EPHB1: variants seen among roughly 807,000 people sequenced by gnomAD.
EPHB1 encodes the protein EPH receptor B1.
Under a neutral mutation model 94.4 loss-of-function variants are expected in EPHB1, and 30 were observed. The observed-to-expected ratio is 0.32, with a 90% CI of 0.24 to 0.43. EPHB1 has a LOEUF of 0.43. EPHB1 is among the 20% of genes least tolerant of loss of function. The pLI is 1.00. For missense variants in EPHB1, 1,055 were observed against 1,308.3 expected, an observed-to-expected ratio of 0.81 and a Z score of 2.99; for synonymous variants, 522 against 489.1, an observed-to-expected ratio of 1.07 and a Z score of -0.89.
intron 6 of EPHB1, among the ~76,000 whole-genome samples, chr3:135,158,633 C>T (rs570952110): frequency 1.3e-5 from 2 of 152,290 alleles, no homozygotes; most frequent in South Asian, 4.1e-4. Context: ...TCCACCAGCT[C>T]ATTAATAGAG....
chr3:135,112,942 C>T (rs1939520929), intron 4 of EPHB1, among the ~76,000 whole-genome samples: 1 of 152,292 alleles, frequency 6.6e-6, no homozygotes, highest in Non-Finnish European at 1.5e-5. Flanking sequence ...CTTTACCCAT[C>T]GCTGACCAGG....
intron 10 of EPHB1, among the ~76,000 whole-genome samples, chr3:135,189,730 C>T (rs1484212905): frequency 6.6e-6 from 1 of 152,194 alleles, no homozygotes; most frequent in Non-Finnish European, 1.5e-5. Flanking sequence ...AACAGAAGTT[C>T]TCAACTGGAG....
chr3:134,958,763 T>C (rs1379659182), intron 3 of EPHB1, among the ~76,000 whole-genome samples: 1 of 151,962 alleles, frequency 6.6e-6, no homozygotes, highest in East Asian at 1.9e-4. Context: ...CTGTCTGTAA[T>C]TGACTGTGAC....
At chr3:135,006,609 T>C (rs1438975939) in intron 3 of EPHB1, among the ~76,000 whole-genome samples, 1 of 152,164 alleles carries the variant, frequency 6.6e-6, no homozygotes, top group Non-Finnish European at 1.5e-5. Context: ...AGAGGAAGAT[T>C]GCTTAACCCC....
chr3:135,170,239 A>C (rs1941767347), intron 9 of EPHB1, among the ~76,000 whole-genome samples: 1 of 152,326 alleles, frequency 6.6e-6, no homozygotes, highest in Admixed American at 6.5e-5. Context: ...GCAAAGGCTG[A>C]AGAAGAAATG....
At chr3:134,912,276 C>T (rs2038470732) in intron 1 of EPHB1, among the ~76,000 whole-genome samples, 1 of 152,228 alleles carries the variant, frequency 6.6e-6, no homozygotes, top group African/African-American at 2.4e-5. Flanking sequence ...TTGGCGCAAA[C>T]TCATTGGTCT....
intron 12 of EPHB1, among the ~76,000 whole-genome samples, chr3:135,222,082 A>G (rs1943288620): frequency 6.6e-6 from 1 of 152,226 alleles, no homozygotes. Context: ...ATTTAAGATC[A>G]AAATTTAAAC....
chr3:135,193,911 C>G (rs1942529051), intron 11 of EPHB1, among the ~76,000 whole-genome samples: 1 of 152,216 alleles, frequency 6.6e-6, no homozygotes, highest in Non-Finnish European at 1.5e-5. Flanking sequence ...AGGGACACCT[C>G]TGATCCATGT....
chr3:135,030,965 G>A lies in EPHB1; in HGVS notation c.806-75483G>A, dbSNP rs537670394. Among the ~76,000 whole-genome samples the A allele has an allele frequency of 1.7e-4, 26 of 152,260 alleles. No individual in the cohort carries two copies. The South Asian group carries it at 4.4e-3, about 26-fold the overall frequency. ...AGCCCGTCGGAAAAGCGCAGTATTC[G>A]GGTGGGTGTGACCCTATTCTCCAGG... On this transcript the variant is annotated intron_variant, in intron 3 of 15. Transcript: ENST00000398015.
At chr3:134,962,919 C>G (rs987795643) in intron 3 of EPHB1, among the ~76,000 whole-genome samples, 1 of 152,152 alleles carries the variant, frequency 6.6e-6, no homozygotes, top group African/African-American at 2.4e-5. Flanking sequence ...CATACACCTT[C>G]CACTCTGCTG....
At chr3:135,154,005 A>G (rs1941278877) in intron 5 of EPHB1, 147 bp from the exon 6 acceptor site, 5 of 1,074,602 alleles carry the variant, frequency 4.7e-6, no homozygotes, top group Non-Finnish European at 6.8e-6. Flanking sequence ...ACCCACAGGA[A>G]GTTCTGCAGG....
intron 1 of EPHB1, among the ~76,000 whole-genome samples, chr3:134,878,628 A>G (rs1429841275): frequency 6.6e-6 from 1 of 152,204 alleles, no homozygotes; most frequent in Non-Finnish European, 1.5e-5. Flanking sequence ...AACTGTGATT[A>G]TAGAGATAGA....
intron 3 of EPHB1, among the ~76,000 whole-genome samples, chr3:135,102,983 G>A (rs1453921698): frequency 2.0e-5 from 3 of 152,118 alleles, no homozygotes; most frequent in Admixed American, 6.6e-5. Flanking sequence ...TTGGGGGGTG[G>A]GGGCAAGGGG....
At chr3:134,858,257 C>G (rs2037168321) in intron 1 of EPHB1, among the ~76,000 whole-genome samples, 1 of 151,850 alleles carries the variant, frequency 6.6e-6, no homozygotes, top group South Asian at 2.1e-4. Flanking sequence ...TGCTTGTGGC[C>G]CCAGAAGCCT....
chr3:134,951,368 C>A lies in EPHB1; in HGVS notation c.124-3C>A. 1 of 1,556,244 alleles carries A rather than the reference C, an allele frequency of 6.4e-7. No homozygotes were observed. Among genetic ancestry groups the A allele is most frequent in the Non-Finnish European group, 8.7e-7 (1 of 1,149,698 alleles). Reference sequence around the variant, plus strand: ...GTGTGTGCCTGTGGCCTGCTATGTACAGTGGGAAGAAGTCAGTGGCTACGA... The same window carrying A: ...GTGTGTGCCTGTGGCCTGCTATGTAAAGTGGGAAGAAGTCAGTGGCTACGA... On this transcript the variant is annotated splice_polypyrimidine_tract_variant and splice_region_variant and intron_variant, in intron 2 of 15. Transcript: ENST00000398015. This position sits in a 1 kb window ranked among gnomAD's most constrained non-coding sequence, Gnocchi z 4.5.
rs542388511 is a variant in EPHB1, at chr3:134,899,067, A to T, written c.59-26749A>T. On this transcript the variant is annotated intron_variant, in intron 1 of 15. Coordinates refer to ENST00000398015, the MANE Select transcript of EPHB1 (RefSeq NM_004441.5). ...GATGAGGAAAACATCCCTACTTATC[A>T]CTTTCTATTTTCTTATTTTCCCAGT... is the stretch of plus-strand genomic sequence containing the variant. 9.2e-5 allele frequency among the ~76,000 whole-genome samples: 14 copies of T among 152,160 alleles called. No homozygotes were observed. The South Asian group carries it at 2.9e-3, about 32-fold the overall frequency.
chr3:134,978,976 T>C (rs1934303260), intron 3 of EPHB1, among the ~76,000 whole-genome samples: 1 of 152,236 alleles, frequency 6.6e-6, no homozygotes, highest in South Asian at 2.1e-4. Context: ...GATGTTGTCC[T>C]CATGGAGGGT....
At chr3:134,880,154 T>C (rs2037702789) in intron 1 of EPHB1, among the ~76,000 whole-genome samples, 1 of 152,212 alleles carries the variant, frequency 6.6e-6, no homozygotes, top group Non-Finnish European at 1.5e-5. Context: ...CAAGGGCAGC[T>C]GGTCAAACAT....
At chr3:134,807,455 G>A (rs2036085159) in intron 1 of EPHB1, among the ~76,000 whole-genome samples, 1 of 151,260 alleles carries the variant, frequency 6.6e-6, no homozygotes. Flanking sequence ...GAAACCAAAT[G>A]AGAGGGTCAG....
Sources: gnomAD v4.1 joint callset for allele counts (sites outside exome capture counted in the v4.1 genomes callset) on GRCh38, gnomAD v4.1.1 for gene constraint, Gnocchi (gnomAD v3.1) non-coding constraint, MANE v1.5 for transcripts, NCBI Gene and HGNC (gene_info 2026-07-23, HGNC 2026-07-21) for gene names.